PDE10A: variants seen among roughly 807,000 people sequenced by gnomAD.
The protein encoded by PDE10A is phosphodiesterase 10A.
PDE10A carries 39 observed loss-of-function variants against 97.7 expected under a neutral mutation model. That is an observed-to-expected ratio of 0.40 (90% CI 0.31 to 0.52). The LOEUF is 0.52. Among genes scored for constraint, PDE10A ranks in the 20% least tolerant of loss-of-function variants. The pLI is 0.56. For synonymous variants in PDE10A, 371 were observed against 376.8 expected (o/e 0.98, Z 0.18); for missense variants, 731 against 1,047.8 (o/e 0.70, Z 4.17).
intron 2 of PDE10A, among the ~76,000 whole-genome samples, chr6:165,536,790 AAGAC>A (rs1284541943): frequency 2.6e-5 from 4 of 152,020 alleles, no homozygotes; most frequent in Admixed American, 2.6e-4. Context: ...GTTGTCAAAA[AAGAC>A]AGAAAACAAC....
At chr6:165,471,361 T>C (rs1778994703) in intron 3 of PDE10A, among the ~76,000 whole-genome samples, 1 of 152,176 alleles carries the variant, frequency 6.6e-6, no homozygotes, top group African/African-American at 2.4e-5. Context: ...TTCATGACTC[T>C]AGCTACTATC....
intron 1 of PDE10A, among the ~76,000 whole-genome samples, chr6:165,798,858 C>T (rs569729573): frequency 3.7e-4 from 56 of 152,040 alleles, no homozygotes; most frequent in Non-Finnish European, 7.1e-4. Flanking sequence ...CAAGCACGTG[C>T]CACCACGCCA....
intron 1 of PDE10A, among the ~76,000 whole-genome samples, chr6:165,678,136 C>T (rs11753373): frequency 3.1e-3 from 21 of 6,822 alleles, no homozygotes; most frequent in South Asian, 0.014. Context: ...TGTTTGTGTA[C>T]GTGTGTATGT....
chr6:165,542,462 C>T (rs1783495227), intron 2 of PDE10A, among the ~76,000 whole-genome samples: 1 of 150,604 alleles, frequency 6.6e-6, no homozygotes, highest in Non-Finnish European at 1.5e-5. Flanking sequence ...AAGAGAACAA[C>T]ATGCAAAGAG....
intron 1 of PDE10A, among the ~76,000 whole-genome samples, chr6:165,917,774 TC>T (rs1782648175): frequency 2.0e-5 from 3 of 152,252 alleles, no homozygotes; most frequent in African/African-American, 7.2e-5. Flanking sequence ...CACCATCACC[TC>T]ATCCTGCAGG....
intron 1 of PDE10A, among the ~76,000 whole-genome samples, chr6:165,551,757 G>A (rs1784028220): frequency 6.6e-6 from 1 of 152,110 alleles, no homozygotes; most frequent in Non-Finnish European, 1.5e-5. Flanking sequence ...AAATTTACAC[G>A]TTTTTACCTC....
At chr6:165,934,897 G>T (rs1329057490) in intron 1 of PDE10A, among the ~76,000 whole-genome samples, 2 of 152,178 alleles carry the variant, frequency 1.3e-5, no homozygotes, top group African/African-American at 4.8e-5. Flanking sequence ...CAACTGTAAG[G>T]TCGGCAGGAA....
rs999037683 is a variant in PDE10A, at chr6:165,881,682, G to T, written c.-615+105847C>A. ...CCCAAAGTGCTGGGCTCACAGGCAT[G>T]AGCCACTGAGCCCAGCCCAAGCAAT... On this transcript the variant is annotated intron_variant, in intron 1 of 19. Coordinates refer to the PDE10A transcript ENST00000366882. 3.3e-5 allele frequency among the ~76,000 whole-genome samples: 5 copies of T among 151,546 alleles called. No individual in the cohort carries two copies. In the South Asian group the frequency reaches 1.0e-3, roughly 32 times the overall value.
At chr6:165,804,415 T>C (rs1323056395) in intron 1 of PDE10A, among the ~76,000 whole-genome samples, 1 of 152,218 alleles carries the variant, frequency 6.6e-6, no homozygotes, top group African/African-American at 2.4e-5. Flanking sequence ...TTGTTTTGTT[T>C]TGTTTTGTTT....
At chr6:165,612,158 A>G (rs1281294250) in intron 1 of PDE10A, among the ~76,000 whole-genome samples, 1 of 152,246 alleles carries the variant, frequency 6.6e-6, no homozygotes, top group East Asian at 1.9e-4. Flanking sequence ...AATGAGATAT[A>G]TATTGCTCAG....
chr6:165,966,357 G>A (rs1784510912), intron 1 of PDE10A, among the ~76,000 whole-genome samples: 1 of 152,186 alleles, frequency 6.6e-6, no homozygotes, highest in Non-Finnish European at 1.5e-5. Context: ...GTGAATTCAC[G>A]TGACCCCCTG....
intron 15 of PDE10A, 88 bp downstream of exon 15, chr6:165,395,093 C>T (rs532407363): frequency 2.7e-6 from 2 of 729,002 alleles, no homozygotes; most frequent in Non-Finnish European, 2.3e-6. Context: ...TAATTACAAA[C>T]AAAGATCGTG....
Position 165,857,601 on chromosome 6 carries a change from A to T in PDE10A, c.-615+129928T>A, listed in dbSNP as rs377111804. 2.2e-3 allele frequency among the ~76,000 whole-genome samples: 127 copies of T among 58,866 alleles called. 2 individuals are homozygous for T. In the South Asian group the frequency reaches 0.087, roughly 40 times the overall value. 38.6% of individuals were successfully genotyped at this position (58,866 alleles called of 152,430 possible). A position where few individuals can be genotyped will look rare whatever the true frequency, so the allele number is the denominator to read the frequency against. ...CCCACACTGGAGGAGGGGGTGGCTT[A>T]TGCAGAAGCTGAGAAGCTGAGGACA... On this transcript the variant is annotated intron_variant, in intron 1 of 19. Transcript: ENST00000366882.
At chr6:165,703,231 C>T (rs925670115) in intron 1 of PDE10A, among the ~76,000 whole-genome samples, 2 of 152,198 alleles carry the variant, frequency 1.3e-5, no homozygotes, top group Non-Finnish European at 2.9e-5. Context: ...ACCTGTGCTA[C>T]ACCTGGAGTG....
chr6:165,402,120 T>C lies in PDE10A; in HGVS notation c.2077-5661A>G, dbSNP rs182030846. On this transcript the variant is annotated intron_variant, in intron 13 of 21. Transcript: ENST00000539869. ...CAGGAAGTATGCTAAGTGTTTTGTA[T>C]GCATTACTTCATGTCTCACAAAACT... Among the ~76,000 whole-genome samples the C allele has an allele frequency of 1.5e-3, 222 of 152,336 alleles. 2 individuals are homozygous for C. Among genetic ancestry groups the C allele is most frequent in the African/African-American group, 5.2e-3 (215 of 41,582 alleles).
chr6:165,392,216 T>C (rs752651348), intron 16 of PDE10A, among the ~76,000 whole-genome samples: 9 of 152,204 alleles, frequency 5.9e-5, no homozygotes, highest in Non-Finnish European at 8.8e-5. Flanking sequence ...AATTAAACAT[T>C]TCAGATCCTT....
rs1788500249 is a variant in PDE10A at position 165,418,878 on chromosome 6, C to T, written c.1654-101G>A. 2.3e-6 allele frequency: 2 copies of T among 863,600 alleles called. No homozygotes were observed. The highest frequency in any genetic ancestry group is 2.4e-5 in the Admixed American group (1 of 41,362). 53.5% of individuals were successfully genotyped at this position (863,600 alleles called of 1,614,324 possible). A position where few individuals can be genotyped will look rare whatever the true frequency, so the allele number is the denominator to read the frequency against. Reference sequence around the variant, plus strand: ...AAGTATTAATTTCAGCTGTCCTATACTCTAATTGGTTGGTATTAGCATTAT... The same window carrying T: ...AAGTATTAATTTCAGCTGTCCTATATTCTAATTGGTTGGTATTAGCATTAT... On this transcript the variant is annotated intron_variant, in intron 10 of 21. Transcript: ENST00000539869. The surrounding 1 kb of genome is among the most constrained non-coding windows in gnomAD (Gnocchi z 4.8).
At chr6:165,958,120 T>C (rs1462635971) in intron 1 of PDE10A, among the ~76,000 whole-genome samples, 1 of 152,122 alleles carries the variant, frequency 6.6e-6, no homozygotes, top group Non-Finnish European at 1.5e-5. Context: ...AGACAAAACA[T>C]GGGATCCACT....
At chr6:165,648,248 G>A (rs1177470577) in intron 1 of PDE10A, among the ~76,000 whole-genome samples, 2 of 151,844 alleles carry the variant, frequency 1.3e-5, no homozygotes, top group South Asian at 2.1e-4. Flanking sequence ...TCCTGACCTC[G>A]TGATCCACCC....
Sources: allele counts gnomAD v4.1 joint callset (sites outside exome capture counted in the v4.1 genomes callset), GRCh38; gene constraint gnomAD v4.1.1; non-coding constraint Gnocchi (gnomAD v3.1); transcripts MANE v1.5; gene names NCBI Gene and HGNC (gene_info 2026-07-23, HGNC 2026-07-21).